The following ANKEF1 variants were observed in gnomAD, a reference collection of about 807,000 sequenced individuals.
The protein encoded by ANKEF1 is ankyrin repeat and EF-hand domain-containing protein 1.
ANKEF1 carries 43 observed loss-of-function variants against 65.1 expected under a neutral mutation model. The observed-to-expected ratio is 0.66, with a 90% confidence interval of 0.52 to 0.85. The LOEUF is 0.85. Among genes scored for constraint, ANKEF1 ranks in the 40% least tolerant of loss-of-function variants. ANKEF1 has a pLI of 0.00. For missense variants in ANKEF1, 934 were observed against 952.9 expected (o/e 0.98, Z 0.26); for synonymous variants, 316 against 341.5 (o/e 0.93, Z 0.82).
At chr20:10,047,110 A>T (rs1389342281) in intron 6 of ANKEF1, among the ~76,000 whole-genome samples, 1 of 152,190 alleles carries the variant, frequency 6.6e-6, no homozygotes, top group Non-Finnish European at 1.5e-5. Context: ...TAATATGTTG[A>T]CTTATTTCTT....
At chr20:10,039,245 C>G (rs956807291) in intron 3 of ANKEF1, among the ~76,000 whole-genome samples, 8 of 152,176 alleles carry the variant, frequency 5.3e-5, no homozygotes, top group Non-Finnish European at 1.0e-4. Flanking sequence ...ACCGTTAATC[C>G]CATCATCTCA....
Position 10,053,263 on chromosome 20 carries a change from TAAG to T in ANKEF1, c.2025_2027del (p.Lys676del). The stretch of plus-strand genomic sequence containing the variant: ...TACTGAAGACTGAAGGCCCTGAAAT[TAAG>T]AAAGAAGAGGTAAGAAAAATGGTTG... On this transcript the variant is annotated inframe_deletion, in exon 9 of 11. Coordinates refer to ENST00000378392, the MANE Select transcript of ANKEF1 (RefSeq NM_022096.6). 6.3e-7 allele frequency: 1 copy of T among 1,590,732 alleles called. No homozygotes were observed. The highest frequency in any genetic ancestry group is 1.2e-5 in the South Asian group (1 of 86,146).
rs768449515 is a variant in ANKEF1 at position 10,055,569 on chromosome 20, C to T, written c.2240C>T (p.Thr747Ile). The T allele has an allele frequency of 2.5e-6, 4 of 1,613,676 alleles. No individual in the cohort carries two copies. Among genetic ancestry groups the T allele is most frequent in the Admixed American group, 3.3e-5 (2 of 59,950 alleles). ...AGGGAACTACGGCGAGAGAGGTTTA[C>T]ACATGAGGTGGACTTCGACGATTTT... ...RKRELRRERFTHEVDFDDFMM... is the reference protein window; with the variant it reads ...RKRELRRERFIHEVDFDDFMM... Residue 747 changes from threonine (T) to isoleucine (I), a missense_variant, in exon 11 of 11, where the codon ACA (threonine) becomes ATA (isoleucine). By Grantham distance (89) the Thr-to-Ile change is moderately conservative. Transcript: ENST00000378392.
In ANKEF1 at chr20:10,038,464, G is replaced by A. The variant is rs917119081; in HGVS notation, c.163G>A (p.Ala55Thr). The change falls in exon 3 of 11, where the codon GCC becomes ACC. Residue 55 changes from alanine (A) to threonine (T), a missense_variant. By Grantham distance (58) the Ala-to-Thr change is moderately conservative (BLOSUM62 0). Transcript: ENST00000378392. ...PINGLSALHL[A>T]SVSNDIDMVS... is the part of the protein sequence containing the mutation. ...TAATGGACTTAGTGCTTTGCACTTA[G>A]CCTCAGTTTCCAATGATATTGATAT... 1.2e-6 allele frequency: 2 copies of A among 1,614,080 alleles called. No homozygotes were observed. The highest frequency in any genetic ancestry group is 2.7e-5 in the African/African-American group (2 of 74,928).
rs1568515285 is a variant in ANKEF1 at position 10,049,778 on chromosome 20, C to G, written c.1209C>G (p.Asn403Lys). Residue 403 changes from asparagine to lysine, a missense_variant, in exon 7 of 11, where the codon AAC becomes AAG. Coordinates refer to ENST00000378392, the MANE Select transcript of ANKEF1 (RefSeq NM_022096.6). ...NEFFKGTRYL[N>K]KSFVLGSYGP... ...TCTTTAAAGGAACCAGATATTTAAACAAGTCTTTTGTCTTAGGATCGTATG... is the reference window on the plus strand; with the variant it reads ...TCTTTAAAGGAACCAGATATTTAAAGAAGTCTTTTGTCTTAGGATCGTATG... 1 of 1,613,880 alleles carries G rather than the reference C, an allele frequency of 6.2e-7. No homozygotes were observed. The highest frequency in any genetic ancestry group is 1.1e-5 in the South Asian group (1 of 91,074).
intron 7 of ANKEF1, among the ~76,000 whole-genome samples, chr20:10,051,136 T>C (rs1050286662): frequency 8.5e-5 from 13 of 152,170 alleles, no homozygotes; most frequent in Non-Finnish European, 1.8e-4. Flanking sequence ...TGTAAAGCTC[T>C]TGTTAACACA....
Position 10,051,849 on chromosome 20 carries a change from A to G in ANKEF1, c.1830A>G (p.Leu610=). 6.2e-7 allele frequency: 1 copy of G among 1,612,796 alleles called. No homozygotes were observed. Among genetic ancestry groups the G allele is most frequent in the Non-Finnish European group, 8.5e-7 (1 of 1,179,584 alleles). Residue 610 remains leucine (L), a synonymous_variant, in exon 8 of 11, where the codon CTA becomes CTG. Coordinates refer to ENST00000378392, the MANE Select transcript of ANKEF1 (RefSeq NM_022096.6). ...GCAGACTGGATACAGTAAAATACCT[A>G]CTTGATATTGGTGCTAAATTCCAGC... is the stretch of plus-strand genomic sequence containing the variant. ...ESCRLDTVKY[L]LDIGAKFQLE... is the part of the protein sequence containing the mutation.
intron 3 of ANKEF1, among the ~76,000 whole-genome samples, chr20:10,042,566 A>C (rs1440371543): frequency 6.6e-6 from 1 of 152,148 alleles, no homozygotes; most frequent in Admixed American, 6.5e-5. Flanking sequence ...GGGATTTAGC[A>C]TGTTCCTTTC....
chr20:10,035,370 T>C (rs1270593527), intron 1 of ANKEF1, 37 bp downstream of exon 1: 2 of 152,206 alleles, frequency 1.3e-5, no homozygotes, highest in Non-Finnish European at 2.9e-5. Context: ...TGACGTTACA[T>C]CTCTACCCCC....
intron 5 of ANKEF1, among the ~76,000 whole-genome samples, chr20:10,045,054 T>A (rs1409637549): frequency 6.6e-6 from 1 of 152,238 alleles, no homozygotes; most frequent in Non-Finnish European, 1.5e-5. Flanking sequence ...TTTTTTTAAA[T>A]TCTGAATTTC....
chr20:10,049,932 A>T lies in ANKEF1; in HGVS notation c.1363A>T (p.Met455Leu). 1 of 1,614,216 alleles carries T rather than the reference A, an allele frequency of 6.2e-7. No homozygotes were observed. Residue 455 changes from methionine to leucine, a missense_variant, in exon 7 of 11, where the codon ATG becomes TTG. Physicochemically the swap from Met to Leu is conservative, Grantham distance 15. Coordinates refer to ENST00000378392, the MANE Select transcript of ANKEF1 (RefSeq NM_022096.6). ...RRQDGGPPYY[M>L]IETYKNVTDS... is the part of the protein sequence containing the mutation. ...GCAGGATGGTGGGCCACCGTATTACATGATTGAGACCTACAAGAATGTCAC... is the reference window on the plus strand; with the variant it reads ...GCAGGATGGTGGGCCACCGTATTACTTGATTGAGACCTACAAGAATGTCAC...
At chr20:10,053,298 C>A in intron 9 of ANKEF1, 23 bp downstream of exon 9, 1 of 1,573,146 alleles carries the variant, frequency 6.4e-7, no homozygotes. Flanking sequence ...GTTGACTACC[C>A]ATTAGTAACT....
intron 4 of ANKEF1, 24 bp downstream of exon 4, chr20:10,043,345 A>G: frequency 1.2e-6 from 2 of 1,604,132 alleles, no homozygotes; most frequent in Non-Finnish European, 1.7e-6. Context: ...TGTGATTACA[A>G]ATATTTCTTG....
chr20:10,047,053 T>A (rs1984560265), intron 6 of ANKEF1, among the ~76,000 whole-genome samples: 1 of 152,236 alleles, frequency 6.6e-6, no homozygotes, highest in African/African-American at 2.4e-5. Flanking sequence ...ATTATGTATT[T>A]CTAAAAACTA....
Position 10,057,765 on chromosome 20 carries a change from C to G in ANKEF1, c.*2105C>G, listed in dbSNP as rs1985249572. On this transcript the variant is annotated 3_prime_UTR_variant, in exon 11 of 11. Transcript: ENST00000378392. ...TTAACACTTAAGTGAACTATTTAAT[C>G]TATAGACCTTATTCAGATTTTGCTA... 2 of 152,212 alleles carry G rather than the reference C, an allele frequency of 1.3e-5. No individual in the cohort carries two copies. Among genetic ancestry groups the G allele is most frequent in the South Asian group, 4.1e-4 (2 of 4,828 alleles). The allele number at this position is 152,212 out of a possible 1,614,324, so 9.4% of individuals were successfully genotyped here. A position where few individuals can be genotyped will look rare whatever the true frequency, so the allele number is the denominator to read the frequency against.
At chr20:10,037,861 T>C (rs574329617) in intron 2 of ANKEF1, among the ~76,000 whole-genome samples, 168 of 152,338 alleles carry the variant, frequency 1.1e-3, no homozygotes, top group Non-Finnish European at 1.7e-3. Context: ...TTATATGTTT[T>C]TATAACACCT....
intron 3 of ANKEF1, 88 bp downstream of exon 3, chr20:10,038,735 T>G: frequency 2.0e-6 from 2 of 1,006,734 alleles, no homozygotes; most frequent in South Asian, 3.5e-5. Context: ...TTTCCAACTT[T>G]AGAAGTGAAT....
At position 10,038,637 on chromosome 20, in the gene ANKEF1, T is replaced by C; in HGVS notation, c.336T>C (p.Asn112=). 6.3e-7 allele frequency: 1 copy of C among 1,588,580 alleles called. No individual in the cohort carries two copies. The highest frequency in any genetic ancestry group is 8.6e-7 in the Non-Finnish European group (1 of 1,161,962). The part of the protein sequence containing the change: ...KAKADMTIVD[N]EGKGVLFYCI... ...AGGCTGATATGACTATAGTTGATAA[T>C]GAAGGAAAAGGTAAAAATCCCGACA... The change falls in exon 3 of 11, where the codon AAT becomes AAC. Residue 112 remains asparagine, a synonymous_variant. Transcript: ENST00000378392.
intron 6 of ANKEF1, among the ~76,000 whole-genome samples, chr20:10,048,975 T>A (rs1984675334): frequency 6.6e-6 from 1 of 152,208 alleles, no homozygotes; most frequent in Non-Finnish European, 1.5e-5. Flanking sequence ...GTGGGTATTC[T>A]GCATCTTTTC....
Sources: gnomAD v4.1 joint callset for allele counts (sites outside exome capture counted in the v4.1 genomes callset) on GRCh38, gnomAD v4.1.1 for gene constraint, MANE v1.5 for transcripts, NCBI Gene and HGNC (gene_info 2026-07-23, HGNC 2026-07-21) for gene names.